Variants in MCPH1 observed in about 807,000 individuals in gnomAD.
MCPH1 encodes microcephalin.
MCPH1 carries 104 observed loss-of-function variants against 84.5 expected under a neutral mutation model. That is an observed-to-expected ratio of 1.23 (90% CI 1.05 to 1.45). The LOEUF (loss-of-function observed/expected upper bound fraction) is 1.45, where lower values mean the gene tolerates loss of function less well. Ranked by LOEUF, MCPH1 falls within the 40% of genes most tolerant of loss-of-function variation. The pLI, the probability that MCPH1 is intolerant of heterozygous loss-of-function variation, is 0.00. For missense variants in MCPH1, 1,498 were observed against 1,005.7 expected, an observed-to-expected ratio of 1.49 and a Z score of -6.62; for synonymous variants, 514 against 366.8, an observed-to-expected ratio of 1.40 and a Z score of -4.58.
At chr8:6,508,376 A>T (rs1017979223) in intron 12 of MCPH1, 2 of 154,068 alleles carry the variant, frequency 1.3e-5, no homozygotes, top group African/African-American at 4.8e-5. Flanking sequence ...TGAGCCTGGG[A>T]GGCAGGGGTT....
chr8:6,520,092 A>T, intron 12 of MCPH1: 1 of 1,380,074 alleles, frequency 7.2e-7, no homozygotes, highest in South Asian at 1.5e-5. Context: ...TTACTTTGGA[A>T]TTCTTAAGTA....
At chr8:6,539,019 A>G (rs989211413) in intron 12 of MCPH1, among the ~76,000 whole-genome samples, 2 of 120,256 alleles carry the variant, frequency 1.7e-5, no homozygotes, top group Admixed American at 9.0e-5. Flanking sequence ...CCCTCCTTTT[A>G]GAGTTGGGCT....
At chr8:6,409,702 GA>G (rs34597282) in intron 2 of MCPH1, among the ~76,000 whole-genome samples, 148,017 of 152,158 alleles carry the variant, frequency 0.97, 72,126 homozygotes, top group East Asian at 1. Flanking sequence ...TGGGCATACT[GA>G]AAAATATCTG....
intron 4 of MCPH1, among the ~76,000 whole-genome samples, chr8:6,434,703 T>TAC (rs1802385644): frequency 1.3e-5 from 2 of 152,124 alleles, no homozygotes; most frequent in South Asian, 4.1e-4. Context: ...TAGCCTTGAG[T>TAC]AGCTAAAAGA....
chr8:6,551,146 G>A (rs913618540), intron 12 of MCPH1, among the ~76,000 whole-genome samples: 1 of 152,214 alleles, frequency 6.6e-6, no homozygotes, highest in Non-Finnish European at 1.5e-5. Flanking sequence ...CTGTGCTGAT[G>A]CTGACTTAGG....
At chr8:6,601,597 T>TA (rs1233612462) in intron 12 of MCPH1, among the ~76,000 whole-genome samples, 2 of 146,258 alleles carry the variant, frequency 1.4e-5, no homozygotes, top group Admixed American at 1.4e-4. Context: ...CCACCAGAAA[T>TA]ACACACACCA....
intron 12 of MCPH1, among the ~76,000 whole-genome samples, chr8:6,588,352 T>G (rs1828160484): frequency 6.6e-6 from 1 of 152,206 alleles, no homozygotes. Flanking sequence ...TTTTTTTTTT[T>G]TTTAAGTGTA....
chr8:6,588,885 G>A (rs201900250), intron 12 of MCPH1, among the ~76,000 whole-genome samples: 26 of 152,342 alleles, frequency 1.7e-4, no homozygotes, highest in East Asian at 7.7e-4. Flanking sequence ...GAAAAGACTC[G>A]AAAGGGGGCT....
rs572671721 is a variant in MCPH1 at position 6,445,283 on chromosome 8, G to C, written c.1561G>C (p.Glu521Gln). Residue 521 changes from glutamate to glutamine, a missense_variant, in exon 8 of 14, where the codon GAG (glutamate) becomes CAG (glutamine). By Grantham distance (29) the Glu-to-Gln change is conservative (BLOSUM62 2). Coordinates refer to ENST00000344683, the MANE Select transcript of MCPH1 (RefSeq NM_024596.5). ...GGCTGGGAAAGAAGACGCATGCCCA[G>C]AGGGAAATGGCTTTTCTTACACCAT... ...RQAGKEDACP[E>Q]GNGFSYTIED... 2.5e-6 allele frequency: 4 copies of C among 1,614,214 alleles called. No homozygotes were observed. The East Asian group carries it at 8.9e-5, about 36-fold the overall frequency.
At chr8:6,542,328 A>G (rs1821754529) in intron 12 of MCPH1, among the ~76,000 whole-genome samples, 1 of 150,958 alleles carries the variant, frequency 6.6e-6, no homozygotes, top group Admixed American at 6.6e-5. Flanking sequence ...GTGTGTGTGT[A>G]TGTATGTGTG....
rs774190265 is a variant in MCPH1, at chr8:6,445,484, G to C, written c.1762G>C (p.Val588Leu). Residue 588 changes from valine to leucine, a missense_variant, in exon 8 of 14, where the codon GTT (valine) becomes CTT (leucine). Transcript: ENST00000344683. The stretch of plus-strand genomic sequence containing the variant: ...GAGTGAACATGAGCCATGTTTTATA[G>C]TTGACTGTAACATGGAGACGTCTAC... ...AQSEHEPCFI[V>L]DCNMETSTEE... 7 of 1,613,994 alleles carry C rather than the reference G, an allele frequency of 4.3e-6. No homozygotes were observed. In the South Asian group the frequency reaches 6.6e-5, roughly 15 times the overall value.
At chr8:6,415,182 C>T (rs184968215) in intron 3 of MCPH1, among the ~76,000 whole-genome samples, 11 of 152,106 alleles carry the variant, frequency 7.2e-5, no homozygotes, top group Admixed American at 3.3e-4. Context: ...AGTCAGCAAG[C>T]GCTGCTGTAA....
rs764832184 is a variant in MCPH1, at chr8:6,455,283, TC to T, written c.1935+32del. On this transcript the variant is annotated intron_variant, in intron 9 of 13. Transcript: ENST00000344683. ...TGTGTAAAAATATTATTTTAAACTTTCAAATGCTGATACATCATAATGTTCT... is the reference window on the plus strand; with the variant it reads ...TGTGTAAAAATATTATTTTAAACTTTAAATGCTGATACATCATAATGTTCT... 4.3e-6 allele frequency: 6 copies of T among 1,408,134 alleles called. No homozygotes were observed. The South Asian group carries it at 6.9e-5, about 16-fold the overall frequency. The allele number at this position is 1,408,134 out of a possible 1,614,324, so 87.2% of individuals were successfully genotyped here.
intron 13 of MCPH1, chr8:6,626,752 G>A (rs1183924348): frequency 1.0e-6 from 1 of 985,164 alleles, no homozygotes; most frequent in African/African-American, 1.7e-5. Context: ...CAAGCCCTTG[G>A]GTGGAGCTCT....
In MCPH1 at chr8:6,480,186, C is replaced by T. The variant is rs1447009218; in HGVS notation, c.1974-528C>T. The stretch of plus-strand genomic sequence containing the variant: ...TCGCCCAGGCTGGAGTGCAGTGACA[C>T]GATCGCGGCTCACTGCAACCTCCAC... On this transcript the variant is annotated intron_variant, in intron 10 of 13. Coordinates refer to ENST00000344683, the MANE Select transcript of MCPH1 (RefSeq NM_024596.5). 1.8e-4 allele frequency among the ~76,000 whole-genome samples: 27 copies of T among 150,688 alleles called. 1 individual carries two copies. The highest frequency in any genetic ancestry group is 6.6e-4 in the African/African-American group (27 of 40,832).
chr8:6,485,127 C>A (rs1257785669), intron 11 of MCPH1, among the ~76,000 whole-genome samples: 1 of 150,674 alleles, frequency 6.6e-6, no homozygotes, highest in African/African-American at 2.4e-5. Context: ...CAGTTCAAGA[C>A]CAGCCTGGCC....
At chr8:6,560,476 T>A (rs923733209) in intron 12 of MCPH1, among the ~76,000 whole-genome samples, 1 of 152,206 alleles carries the variant, frequency 6.6e-6, no homozygotes, top group Non-Finnish European at 1.5e-5. Context: ...GTGGGTTTCA[T>A]CTTTGCTTTT....
At chr8:6,582,671 C>T (rs754771657) in intron 12 of MCPH1, among the ~76,000 whole-genome samples, 1 of 152,168 alleles carries the variant, frequency 6.6e-6, no homozygotes, top group Admixed American at 6.5e-5. Flanking sequence ...TCCCATTACC[C>T]TGCCTTCCCC....
At chr8:6,544,920 T>G (rs1308075359) in intron 12 of MCPH1, among the ~76,000 whole-genome samples, 1 of 152,220 alleles carries the variant, frequency 6.6e-6, no homozygotes, top group African/African-American at 2.4e-5. Flanking sequence ...CTCACTAGTT[T>G]TGTTCTCACA....
Sources: allele counts gnomAD v4.1 joint callset (sites outside exome capture counted in the v4.1 genomes callset), GRCh38; gene constraint gnomAD v4.1.1; transcripts MANE v1.5; gene names NCBI Gene and HGNC (gene_info 2026-07-23, HGNC 2026-07-21).